The following PPP1R9A variants were observed in gnomAD, a reference collection of about 807,000 sequenced individuals.
PPP1R9A encodes the protein protein phosphatase 1 regulatory subunit 9A, also known as neurabin-1.
Under a neutral mutation model 141.9 loss-of-function variants are expected in PPP1R9A, and 59 were observed. The observed-to-expected ratio is 0.42, with a 90% confidence interval of 0.34 to 0.52. PPP1R9A has a LOEUF of 0.52. PPP1R9A is among the 20% of genes least tolerant of loss of function. The pLI, the probability that PPP1R9A is intolerant of heterozygous loss-of-function variation, is 0.10. For missense variants in PPP1R9A, 1,444 were observed against 1,611.9 expected (o/e 0.90, Z 1.78); for synonymous variants, 500 against 569.7 (o/e 0.88, Z 1.74).
At chr7:94,977,257 T>C (rs1376575783) in intron 2 of PPP1R9A, among the ~76,000 whole-genome samples, 3 of 151,998 alleles carry the variant, frequency 2.0e-5, no homozygotes, top group African/African-American at 7.3e-5. Context: ...AGAGTGAATA[T>C]AGGAAAAGAA....
chr7:95,162,470 A>ATT (rs900489649), intron 5 of PPP1R9A, among the ~76,000 whole-genome samples: 1 of 151,894 alleles, frequency 6.6e-6, no homozygotes, highest in African/African-American at 2.4e-5. Flanking sequence ...CTTAGGGTGC[A>ATT]TTTTTTTTGG....
At chr7:95,004,570 T>C (rs2151552834) in intron 2 of PPP1R9A, among the ~76,000 whole-genome samples, 1 of 152,344 alleles carries the variant, frequency 6.6e-6, no homozygotes, top group Admixed American at 6.5e-5. Context: ...AGAATAGGAA[T>C]GTCTTATTAA....
At chr7:94,997,130 A>G (rs990687619) in intron 2 of PPP1R9A, among the ~76,000 whole-genome samples, 3 of 152,092 alleles carry the variant, frequency 2.0e-5, no homozygotes, top group Non-Finnish European at 4.4e-5. Flanking sequence ...TTTGGTCTCT[A>G]AAAGTTCCAT....
At chr7:95,286,804 T>C (rs1349386896) in intron 18 of PPP1R9A, among the ~76,000 whole-genome samples, 1 of 152,046 alleles carries the variant, frequency 6.6e-6, no homozygotes, top group African/African-American at 2.4e-5. Flanking sequence ...TTGCTACAAA[T>C]TATCAGGAGA....
chr7:95,112,522 T>C (rs575663288), intron 3 of PPP1R9A, among the ~76,000 whole-genome samples: 3 of 151,982 alleles, frequency 2.0e-5, no homozygotes, highest in Admixed American at 2.0e-4. Context: ...TAATTGAACA[T>C]AGAACTATCA....
intron 3 of PPP1R9A, among the ~76,000 whole-genome samples, chr7:95,112,130 TAA>T (rs1397465759): frequency 6.6e-6 from 1 of 151,658 alleles, no homozygotes; most frequent in Non-Finnish European, 1.5e-5. Context: ...AAGCATGGCT[TAA>T]AAAAAGACAT....
At chr7:94,990,566 T>C (rs1187927485) in intron 2 of PPP1R9A, among the ~76,000 whole-genome samples, 8 of 152,158 alleles carry the variant, frequency 5.3e-5, no homozygotes, top group Non-Finnish European at 1.2e-4. Context: ...GAATGTTTAA[T>C]ATCCTCTTTC....
At position 95,026,965 on chromosome 7, in the gene PPP1R9A, A is replaced by G. The variant is rs138833555; in HGVS notation, c.1396-84294A>G. Among the ~76,000 whole-genome samples the G allele has an allele frequency of 8.2e-3, 1,252 of 152,238 alleles. 13 individuals carry two copies. Among genetic ancestry groups the G allele is most frequent in the Middle Eastern group, 0.01 (3 of 294 alleles). On this transcript the variant is annotated intron_variant, in intron 2 of 19. Coordinates refer to ENST00000433360, the MANE Select transcript of PPP1R9A (RefSeq NM_001166160.2). ...AGCTTGAGTGTCCCAGTTCGACTTC[A>G]GACTGCTGTGCTGGTAGTGAGAATT... is the stretch of plus-strand genomic sequence containing the variant.
At chr7:95,078,442 C>T (rs1394749938) in intron 2 of PPP1R9A, among the ~76,000 whole-genome samples, 6 of 151,564 alleles carry the variant, frequency 4.0e-5, no homozygotes, top group South Asian at 4.2e-4. Flanking sequence ...AATAAACATA[C>T]GTGTGCATGT....
chr7:95,286,079 C>T, intron 17 of PPP1R9A, 127 bp from the exon 18 acceptor site: 1 of 1,435,238 alleles, frequency 7.0e-7, no homozygotes, highest in Non-Finnish European at 9.2e-7. Flanking sequence ...CATTGAAGGT[C>T]ATCACCAAAT....
chr7:95,110,151 C>T (rs928833257), intron 2 of PPP1R9A, among the ~76,000 whole-genome samples: 12 of 152,128 alleles, frequency 7.9e-5, no homozygotes, highest in East Asian at 1.9e-4. Flanking sequence ...TCTATATATG[C>T]GTATGTATTT....
At chr7:95,205,393 C>A (rs1162751371) in intron 7 of PPP1R9A, among the ~76,000 whole-genome samples, 1 of 152,098 alleles carries the variant, frequency 6.6e-6, no homozygotes, top group East Asian at 1.9e-4. Context: ...AGAAACAATG[C>A]TAGAACAATT....
chr7:95,244,625 A>T (rs1194415037), intron 8 of PPP1R9A, among the ~76,000 whole-genome samples: 1 of 152,190 alleles, frequency 6.6e-6, no homozygotes, highest in Non-Finnish European at 1.5e-5. Flanking sequence ...TCACTTGCCC[A>T]TAGTGCAGTG....
intron 5 of PPP1R9A, among the ~76,000 whole-genome samples, chr7:95,188,401 A>T (rs1303598067): frequency 6.6e-6 from 1 of 152,142 alleles, no homozygotes; most frequent in African/African-American, 2.4e-5. Context: ...TCTCTTGAAG[A>T]TAGCATATAC....
At chr7:94,942,361 A>G (rs1795420812) in intron 2 of PPP1R9A, among the ~76,000 whole-genome samples, 1 of 152,216 alleles carries the variant, frequency 6.6e-6, no homozygotes, top group Non-Finnish European at 1.5e-5. Context: ...AACCCTATCA[A>G]TGAAAAGATC....
chr7:95,174,457 A>G (rs1832609091), intron 5 of PPP1R9A, among the ~76,000 whole-genome samples: 1 of 152,164 alleles, frequency 6.6e-6, no homozygotes, highest in African/African-American at 2.4e-5. Flanking sequence ...AACTATGTAT[A>G]CATTTATCGA....
intron 5 of PPP1R9A, among the ~76,000 whole-genome samples, chr7:95,184,121 A>G (rs1246509615): frequency 6.6e-6 from 1 of 152,226 alleles, no homozygotes; most frequent in Non-Finnish European, 1.5e-5. Context: ...TCAGCAAACT[A>G]GTGAAAGTGG....
At chr7:95,049,795 C>T (rs1161116178) in intron 2 of PPP1R9A, among the ~76,000 whole-genome samples, 1 of 152,172 alleles carries the variant, frequency 6.6e-6, no homozygotes, top group Non-Finnish European at 1.5e-5. Context: ...TCCAGATTGA[C>T]TTCTTTCACT....
At chr7:94,941,694 G>A (rs141177852) in intron 2 of PPP1R9A, among the ~76,000 whole-genome samples, 1 of 152,068 alleles carries the variant, frequency 6.6e-6, no homozygotes, top group East Asian at 1.9e-4. Context: ...GTGTTTGTGG[G>A]CTGGCAAGTG....
Sources: gnomAD v4.1 joint callset for allele counts (sites outside exome capture counted in the v4.1 genomes callset) on GRCh38, gnomAD v4.1.1 for gene constraint, MANE v1.5 for transcripts, NCBI Gene and HGNC (gene_info 2026-07-23, HGNC 2026-07-21) for gene names.